The following EFNA5 variants were observed in gnomAD, a reference collection of about 807,000 sequenced individuals.
EFNA5 encodes the protein ephrin-A5.
EFNA5 carries 5 observed loss-of-function variants against 22.9 expected under a neutral mutation model. The ratio of observed to expected loss-of-function variants is 0.22; its 90% confidence interval spans 0.11 to 0.46. The LOEUF (loss-of-function observed/expected upper bound fraction) is 0.46. Ranked by LOEUF, EFNA5 falls within the 20% of genes least tolerant of loss-of-function variation. The probability of loss-of-function intolerance (pLI) is 0.99; values close to 1 mark genes in which losing one functional copy is unlikely to be tolerated. For missense variants in EFNA5, 237 were observed against 293.3 expected, an observed-to-expected ratio of 0.81 and a Z score of 1.40; for synonymous variants, 113 against 112.2, an observed-to-expected ratio of 1.01 and a Z score of -0.04.
At chr5:107,499,888 G>C (rs936515412) in intron 1 of EFNA5, among the ~76,000 whole-genome samples, 2 of 152,176 alleles carry the variant, frequency 1.3e-5, no homozygotes, top group African/African-American at 4.8e-5. Flanking sequence ...CATGGAGACT[G>C]TAAAGCTAGC....
At chr5:107,612,807 A>G (rs892447066) in intron 1 of EFNA5, among the ~76,000 whole-genome samples, 1 of 152,178 alleles carries the variant, frequency 6.6e-6, no homozygotes, top group African/African-American at 2.4e-5. Context: ...CAGAGTCACT[A>G]TGAGAATACA....
intron 1 of EFNA5, among the ~76,000 whole-genome samples, chr5:107,557,155 A>G (rs1354944954): frequency 1.3e-5 from 2 of 152,150 alleles, no homozygotes; most frequent in Admixed American, 1.3e-4. Flanking sequence ...TTGAACTGTA[A>G]GCTACACAGG....
At chr5:107,431,477 T>TA (rs917608595) in intron 1 of EFNA5, among the ~76,000 whole-genome samples, 3 of 152,204 alleles carry the variant, frequency 2.0e-5, no homozygotes, top group Non-Finnish European at 4.4e-5. Context: ...TATCTCAACT[T>TA]AATCTCTATT....
At chr5:107,566,393 G>A (rs1435729670) in intron 1 of EFNA5, among the ~76,000 whole-genome samples, 1 of 152,108 alleles carries the variant, frequency 6.6e-6, no homozygotes, top group East Asian at 1.9e-4. Flanking sequence ...CTCTATCGAC[G>A]AGTCATTTTT....
chr5:107,553,870 A>G (rs1312022712), intron 1 of EFNA5, among the ~76,000 whole-genome samples: 6 of 152,144 alleles, frequency 3.9e-5, no homozygotes, highest in African/African-American at 1.4e-4. Context: ...TTAAAAAGGC[A>G]TTTGCATGAT....
intron 1 of EFNA5, among the ~76,000 whole-genome samples, chr5:107,439,369 G>A (rs1245348400): frequency 6.6e-5 from 10 of 152,280 alleles, no homozygotes; most frequent in South Asian, 6.2e-4. Context: ...AAGCCACAGG[G>A]TCTATGGTAG....
intron 1 of EFNA5, among the ~76,000 whole-genome samples, chr5:107,565,555 T>G (rs1748647926): frequency 6.6e-6 from 1 of 152,218 alleles, no homozygotes; most frequent in African/African-American, 2.4e-5. Context: ...TCCTACATTA[T>G]GTTTTCATCA....
Position 107,645,139 on chromosome 5 carries a change from A to G in EFNA5, c.125+25350T>C, listed in dbSNP as rs190150916. ...TAAGCCCCACATGCATTAGTTATTT[A>G]GAGTCAATTATATAATGCCATGACT... On this transcript the variant is annotated intron_variant, in intron 1 of 4. Transcript: ENST00000333274. Among the ~76,000 whole-genome samples the G allele has an allele frequency of 1.6e-3, 238 of 152,328 alleles. 1 individual carries two copies. Among genetic ancestry groups the G allele is most frequent in the Non-Finnish European group, 2.9e-3 (196 of 68,030 alleles).
rs34467356 is a variant in EFNA5 at position 107,642,934 on chromosome 5, GAA to G, written c.125+27553_125+27554del. Reference sequence around the variant, plus strand: ...TGTCATTTTGTCCATTTCCTCACCTGAAAAAAAAAAAAAAAACTAATCTAGAC... The same window carrying G: ...TGTCATTTTGTCCATTTCCTCACCTGAAAAAAAAAAAAAACTAATCTAGAC... On this transcript the variant is annotated intron_variant, in intron 1 of 4. Coordinates refer to ENST00000333274, the MANE Select transcript of EFNA5 (RefSeq NM_001962.3). Among the ~76,000 whole-genome samples the G allele has an allele frequency of 8.9e-3, 1,189 of 133,772 alleles. 6 individuals are homozygous for G. Among genetic ancestry groups the G allele is most frequent in the Non-Finnish European group, 0.011 (676 of 62,728 alleles). The allele number at this position is 133,772 out of a possible 152,430, so 87.8% of individuals were successfully genotyped here. A position where few individuals can be genotyped will look rare whatever the true frequency, so the allele number is the denominator to read the frequency against.
At chr5:107,484,893 TAAA>T (rs1746554418) in intron 1 of EFNA5, among the ~76,000 whole-genome samples, 1 of 150,128 alleles carries the variant, frequency 6.7e-6, no homozygotes, top group African/African-American at 2.4e-5. Context: ...AAACACATCT[TAAA>T]AATAAAGGTA....
chr5:107,469,097 G>T (rs1343924403), intron 1 of EFNA5, among the ~76,000 whole-genome samples: 1 of 152,108 alleles, frequency 6.6e-6, no homozygotes, highest in Non-Finnish European at 1.5e-5. Flanking sequence ...AAAATGTGGG[G>T]CCCCTTGTTA....
rs560477982 is a variant in EFNA5, at chr5:107,459,477, C to T, written c.126-31968G>A. Among the ~76,000 whole-genome samples, 75 of 152,022 alleles carry T rather than the reference C, an allele frequency of 4.9e-4. 1 individual carries two copies. The highest frequency in any genetic ancestry group is 3.4e-3 in the Middle Eastern group (1 of 294). On this transcript the variant is annotated intron_variant, in intron 1 of 4. Coordinates refer to ENST00000333274, the MANE Select transcript of EFNA5 (RefSeq NM_001962.3). ...GAAGTGGGCCTGAAGATCATTTATC[C>T]TATGTTCATGTTTTATAGTTGAGTA...
chr5:107,589,939 C>T (rs926039556), intron 1 of EFNA5, among the ~76,000 whole-genome samples: 1 of 152,176 alleles, frequency 6.6e-6, no homozygotes, highest in Non-Finnish European at 1.5e-5. Flanking sequence ...AGAAAAAGTG[C>T]TCCTGCCTTT....
At chr5:107,540,126 C>T (rs935086222) in intron 1 of EFNA5, among the ~76,000 whole-genome samples, 1 of 151,452 alleles carries the variant, frequency 6.6e-6, no homozygotes, top group Non-Finnish European at 1.5e-5. Context: ...GGAGGCAAGG[C>T]TCTATCCTGG....
In EFNA5 at chr5:107,593,207, G is replaced by A. The variant is rs115330054; in HGVS notation, c.125+77282C>T. Among the ~76,000 whole-genome samples, 370 of 152,214 alleles carry A rather than the reference G, an allele frequency of 2.4e-3. 1 individual carries two copies. Among genetic ancestry groups the A allele is most frequent in the African/African-American group, 8.6e-3 (358 of 41,514 alleles). ...AGATACTAATCAGATACAGAGACTC[G>A]ACCCTTATGTGCACTCCTCATTGTC... On this transcript the variant is annotated intron_variant, in intron 1 of 4. Transcript: ENST00000333274.
intron 1 of EFNA5, among the ~76,000 whole-genome samples, chr5:107,491,888 G>T (rs894790025): frequency 6.6e-6 from 1 of 152,142 alleles, no homozygotes; most frequent in Non-Finnish European, 1.5e-5. Flanking sequence ...GCTAGAGTGT[G>T]CAGTGGTGCA....
In EFNA5 at chr5:107,472,826, C is replaced by T. The variant is rs1218251847; in HGVS notation, c.126-45317G>A. Among the ~76,000 whole-genome samples the T allele has an allele frequency of 3.9e-5, 6 of 152,308 alleles. No individual in the cohort carries two copies. The East Asian group carries it at 5.8e-4, about 15-fold the overall frequency. Reference sequence around the variant, plus strand: ...ATGACAAACAGATAGAGATCAGTAACGTGAGCTGGCTCAGTCATCTGAGTG... The same window carrying T: ...ATGACAAACAGATAGAGATCAGTAATGTGAGCTGGCTCAGTCATCTGAGTG... On this transcript the variant is annotated intron_variant, in intron 1 of 4. Transcript: ENST00000333274.
chr5:107,578,244 G>A (rs1035723891), intron 1 of EFNA5, among the ~76,000 whole-genome samples: 20 of 152,272 alleles, frequency 1.3e-4, no homozygotes, highest in South Asian at 4.1e-4. Context: ...AAAGCACCAC[G>A]TAATTAAACT....
intron 1 of EFNA5, among the ~76,000 whole-genome samples, chr5:107,649,726 C>G (rs1373937202): frequency 6.6e-6 from 1 of 152,080 alleles, no homozygotes; most frequent in Non-Finnish European, 1.5e-5. Flanking sequence ...TATAATAATA[C>G]AGAAATACAT....
Sources: gnomAD v4.1 joint callset for allele counts (sites outside exome capture counted in the v4.1 genomes callset) on GRCh38, gnomAD v4.1.1 for gene constraint, MANE v1.5 for transcripts, NCBI Gene and HGNC (gene_info 2026-07-23, HGNC 2026-07-21) for gene names.